SCHIP1: variants seen among roughly 807,000 people sequenced by gnomAD.
SCHIP1 encodes the protein schwannomin interacting protein 1.
Under a neutral mutation model 29.7 loss-of-function variants are expected in SCHIP1, and 8 were observed. The observed-to-expected ratio is 0.27, with a 90% CI of 0.16 to 0.49. SCHIP1 has a LOEUF of 0.49. SCHIP1 is among the 20% of genes least tolerant of loss of function. The pLI is 0.99. For synonymous variants in SCHIP1, 76 were observed against 94.9 expected (o/e 0.80, Z 1.16); for missense variants, 193 against 294.6 (o/e 0.66, Z 2.52).
chr3:159,783,233 C>T, the SCHIP1 span, among the ~76,000 whole-genome samples: 4 of 152,152 alleles, frequency 2.6e-5, no homozygotes, highest in Admixed American at 2.6e-4. Flanking sequence ...ATTTAACATC[C>T]AAGATAAGTG....
At chr3:159,686,815 C>T in the SCHIP1 span, among the ~76,000 whole-genome samples, 2 of 152,146 alleles carry the variant, frequency 1.3e-5, no homozygotes, top group African/African-American at 4.8e-5. Flanking sequence ...AACTCTGTCT[C>T]TTTTGGGTAA....
At chr3:159,663,881 A>G in the SCHIP1 span, among the ~76,000 whole-genome samples, 1 of 152,200 alleles carries the variant, frequency 6.6e-6, no homozygotes, top group Non-Finnish European at 1.5e-5. Context: ...AAAATTGTTC[A>G]TTTCAACACA....
chr3:159,713,247 A>G, the SCHIP1 span, among the ~76,000 whole-genome samples: 1 of 143,450 alleles, frequency 7.0e-6, no homozygotes, highest in African/African-American at 2.7e-5. Flanking sequence ...AAAGAAAGAA[A>G]GAAAGAAAGA....
At chr3:159,622,434 TC>T in the SCHIP1 span, among the ~76,000 whole-genome samples, 8 of 152,326 alleles carry the variant, frequency 5.3e-5, no homozygotes, top group African/African-American at 1.4e-4. Flanking sequence ...TGATGAATTT[TC>T]CCAGAAGCTG....
At chr3:159,797,064 T>G in the SCHIP1 span, among the ~76,000 whole-genome samples, 1 of 152,230 alleles carries the variant, frequency 6.6e-6, no homozygotes, top group Admixed American at 6.5e-5. Flanking sequence ...ATTTTTTACA[T>G]AAAGGACTGT....
At chr3:159,894,993 T>A (rs1266078676) in intron 6 of SCHIP1, among the ~76,000 whole-genome samples, 1 of 152,196 alleles carries the variant, frequency 6.6e-6, no homozygotes. Flanking sequence ...TGCATGAGCA[T>A]GTACATAGTA....
At chr3:159,675,886 C>T in the SCHIP1 span, among the ~76,000 whole-genome samples, 1 of 151,562 alleles carries the variant, frequency 6.6e-6, no homozygotes, top group African/African-American at 2.4e-5. Context: ...AATCCCAGCA[C>T]TTTGGGAGGC....
At chr3:159,854,658 G>GT (rs1435443135) in intron 1 of SCHIP1, among the ~76,000 whole-genome samples, 1 of 152,190 alleles carries the variant, frequency 6.6e-6, no homozygotes, top group African/African-American at 2.4e-5. Flanking sequence ...ACACTCTGCC[G>GT]TAAGAGTCAG....
the SCHIP1 span, among the ~76,000 whole-genome samples, chr3:159,671,119 C>T: frequency 6.6e-6 from 1 of 152,182 alleles, no homozygotes; most frequent in Non-Finnish European, 1.5e-5. Flanking sequence ...GCTTCAAATG[C>T]CACACAAGTC....
the SCHIP1 span, among the ~76,000 whole-genome samples, chr3:159,656,853 G>A: frequency 6.6e-6 from 1 of 152,132 alleles, no homozygotes; most frequent in South Asian, 2.1e-4. Context: ...CTGCTTCAGA[G>A]TGACAAGGGA....
chr3:159,392,464 A>C, the SCHIP1 span, among the ~76,000 whole-genome samples: 60,400 of 117,244 alleles, frequency 0.52, 14,027 homozygotes, highest in African/African-American at 0.68. Flanking sequence ...CTCCCCCCTC[A>C]CCCCACCCCA....
chr3:159,532,942 C>T, the SCHIP1 span, among the ~76,000 whole-genome samples: 1 of 152,152 alleles, frequency 6.6e-6, no homozygotes, highest in Admixed American at 6.5e-5. Context: ...GTATGACCAA[C>T]AAGTATGTTA....
At chr3:159,632,913 T>G in the SCHIP1 span, among the ~76,000 whole-genome samples, 1 of 152,182 alleles carries the variant, frequency 6.6e-6, no homozygotes, top group South Asian at 2.1e-4. Flanking sequence ...GACTTCTAAA[T>G]AAGGTGCTGA....
At chr3:159,692,121 C>T in the SCHIP1 span, among the ~76,000 whole-genome samples, 1 of 150,646 alleles carries the variant, frequency 6.6e-6, no homozygotes, top group African/African-American at 2.5e-5. Flanking sequence ...CTCCGCTTCC[C>T]GGTAACCCGA....
the SCHIP1 span, among the ~76,000 whole-genome samples, chr3:159,476,421 T>A: frequency 2.6e-5 from 4 of 152,326 alleles, no homozygotes; most frequent in East Asian, 7.7e-4. Flanking sequence ...CAGATTATCT[T>A]GTAAAAGAAT....
the SCHIP1 span, among the ~76,000 whole-genome samples, chr3:159,704,769 A>G: frequency 2.4e-4 from 37 of 152,298 alleles, no homozygotes; most frequent in African/African-American, 8.4e-4. Flanking sequence ...GCACCAATAG[A>G]GATATAGCTT....
rs1280045309 is a variant in SCHIP1 at position 159,878,651 on chromosome 3, G to T, written c.150-7556G>T. 2.0e-5 allele frequency among the ~76,000 whole-genome samples: 3 copies of T among 148,586 alleles called. No homozygotes were observed. The South Asian group carries it at 6.3e-4, about 31-fold the overall frequency. On this transcript the variant is annotated intron_variant, in intron 2 of 6. Coordinates refer to ENST00000445224, the Ensembl canonical transcript of SCHIP1. ...AAATTAGCCGGGCGTAGTGGCGGGC[G>T]CCTGTAGTCCCAGCTACTTGGGAGG...
the SCHIP1 span, among the ~76,000 whole-genome samples, chr3:159,612,590 T>C: frequency 2.6e-5 from 4 of 152,048 alleles, no homozygotes; most frequent in African/African-American, 7.2e-5. Context: ...CTACTAAAAG[T>C]AGAAAAATTA....
At chr3:159,274,304 T>G in the SCHIP1 span, 2 of 984,120 alleles carry the variant, frequency 2.0e-6, no homozygotes, top group Non-Finnish European at 2.4e-6. Context: ...TTAAACTTTT[T>G]CAATTTAGAT....
Sources: allele counts gnomAD v4.1 joint callset (sites outside exome capture counted in the v4.1 genomes callset), GRCh38; gene constraint gnomAD v4.1.1; transcripts MANE v1.5; gene names NCBI Gene and HGNC (gene_info 2026-07-23, HGNC 2026-07-21).